Variants in EVPL observed in about 807,000 individuals in gnomAD.
EVPL encodes envoplakin.
EVPL carries 94 observed loss-of-function variants against 129.7 expected under a neutral mutation model. The ratio of observed to expected loss-of-function variants is 0.72; its 90% CI spans 0.61 to 0.86. The LOEUF is 0.86. Ranked by LOEUF, EVPL falls within the 40% of genes least tolerant of loss-of-function variation. EVPL has a pLI of 0.00. For missense variants in EVPL, 2,625 were observed against 2,721.1 expected (o/e 0.96, Z 0.79); for synonymous variants, 1,172 against 1,191.1 (o/e 0.98, Z 0.33).
chr17:76,006,950 G>T lies in EVPL; in HGVS notation c.*153C>A. On this transcript the variant is annotated 3_prime_UTR_variant, in exon 22 of 22. Transcript: ENST00000301607. ...GGATGGATCAGGCACCAAGGTTAGG[G>T]GAGGGAGCCCATCACCATGTTAGTA... The T allele has an allele frequency of 2.3e-6, 2 of 877,434 alleles. No individual in the cohort carries two copies. The highest frequency in any genetic ancestry group is 3.0e-6 in the Non-Finnish European group (2 of 656,884). 54.4% of individuals were successfully genotyped at this position (877,434 alleles called of 1,614,324 possible). A position where few individuals can be genotyped will look rare whatever the true frequency, so the allele number is the denominator to read the frequency against.
At chr17:76,026,340 G>T (rs1219642800) in intron 1 of EVPL, among the ~76,000 whole-genome samples, 2 of 151,566 alleles carry the variant, frequency 1.3e-5, no homozygotes, top group Non-Finnish European at 2.9e-5. Flanking sequence ...AAACTCCTGG[G>T]CTCAAGCAAT....
intron 9 of EVPL, among the ~76,000 whole-genome samples, chr17:76,020,065 A>C (rs141831988): frequency 3.3e-5 from 5 of 151,228 alleles, no homozygotes; most frequent in East Asian, 3.9e-4. Context: ...CTTAAACCAG[A>C]TAAACCTAAA....
At position 76,021,718 on chromosome 17, in the gene EVPL, C is replaced by A; in HGVS notation, c.871G>T (p.Glu291Ter). ...QSVNQLEDDG[E>*]RMVELRHPAV... ...GGGTGCCGCAGCTCCACCATGCGCT[C>A]GCCGTCGTCCTCCAGCTGGTTCACG... The change falls in exon 8 of 22, where the codon GAG becomes TAG. Residue 291 changes from glutamate to a stop codon, truncating the protein, a stop_gained. Coordinates refer to ENST00000301607, the MANE Select transcript of EVPL (RefSeq NM_001988.4). LOFTEE classifies it high-confidence loss of function. 1 of 1,610,512 alleles carries A rather than the reference C, an allele frequency of 6.2e-7. No individual in the cohort carries two copies. Among genetic ancestry groups the A allele is most frequent in the Non-Finnish European group, 8.5e-7 (1 of 1,179,492 alleles).
At chr17:76,011,461 G>C (rs1163418224) in intron 21 of EVPL, 115 bp downstream of exon 21, 1 of 930,108 alleles carries the variant, frequency 1.1e-6, no homozygotes, top group East Asian at 2.4e-5. Context: ...CTGCAGGCAG[G>C]AGGGAGAGGA....
chr17:76,011,577 T>C lies in EVPL; in HGVS notation c.2660A>G (p.Lys887Arg). 3 of 1,613,624 alleles carry C rather than the reference T, an allele frequency of 1.9e-6. No homozygotes were observed. The highest frequency in any genetic ancestry group is 2.5e-6 in the Non-Finnish European group (3 of 1,179,516). Residue 887 changes from lysine to arginine, a missense_variant and splice_region_variant, in exon 21 of 22, where the codon AAG becomes AGG. Lys to Arg is a conservative substitution (Grantham distance 26). Coordinates refer to ENST00000301607, the MANE Select transcript of EVPL (RefSeq NM_001988.4). ...QLEFARKMLE[K>R]KELSEDIRRT... ...AAGCTGTAGGTGTTGTCTGTGTACC[T>C]TCTCCAGCATTTTTCTAGCAAACTC...
rs768360748 is a variant in EVPL at position 76,007,751 on chromosome 17, G to A, written c.5454C>T (p.Leu1818=). The change falls in exon 22 of 22, where the codon CTC becomes CTT. Residue 1818 remains leucine (L), a synonymous_variant. Coordinates refer to ENST00000301607, the MANE Select transcript of EVPL (RefSeq NM_001988.4). This position sits in a 1 kb window ranked among gnomAD's most constrained non-coding sequence, Gnocchi z 8.8. ...STSFFSPSFS[L]GLGDDSFPIA... The stretch of plus-strand genomic sequence containing the variant: ...TAGGGAAGCTGTCATCACCGAGCCC[G>A]AGAGAGAAGCTGGGAGAGAAGAAAC... 1.7e-5 allele frequency: 27 copies of A among 1,612,914 alleles called. No individual in the cohort carries two copies. Among genetic ancestry groups the A allele is most frequent in the East Asian group, 4.5e-5 (2 of 44,860 alleles).
Position 76,008,398 on chromosome 17 carries a change from CCA to C in EVPL, c.4805_4806del (p.Leu1602ArgfsTer120), listed in dbSNP as rs1335550624. 1.3e-6 allele frequency: 2 copies of C among 1,594,908 alleles called. No homozygotes were observed. The highest frequency in any genetic ancestry group is 1.7e-6 in the Non-Finnish European group (2 of 1,176,500). On this transcript the variant is annotated frameshift_variant, in exon 22 of 22. Transcript: ENST00000301607. LOFTEE classifies it low-confidence loss of function (END_TRUNC). This position sits in a 1 kb window ranked among gnomAD's most constrained non-coding sequence, Gnocchi z 7.4. ...AGTGTCTGCTGCTGCTTCTGCCTCT[CCA>C]GAGCCCGCAGCTCCTGCTGCAGCCG... ...CGRLQQELRALERQKQQQTLQ... is the reference protein window; with the variant it reads ...CGRLQQELRAXERQKQQQTLQ...
Position 76,013,373 on chromosome 17 carries a change from G to T in EVPL, c.2373+1053C>A, listed in dbSNP as rs1465930884. The stretch of plus-strand genomic sequence containing the variant: ...CCCAGACCCATCTTTGCTCTCACGA[G>T]CTCCTAGGGGAACCCCCAGCCCCAG... On this transcript the variant is annotated intron_variant, in intron 18 of 21. Transcript: ENST00000301607. This position sits in a 1 kb window ranked among gnomAD's most constrained non-coding sequence, Gnocchi z 4.3. Among the ~76,000 whole-genome samples, 1 of 152,072 alleles carries T rather than the reference G, an allele frequency of 6.6e-6. No homozygotes were observed. The highest frequency in any genetic ancestry group is 1.5e-5 in the Non-Finnish European group (1 of 68,008).
rs1215721582 is a variant in EVPL, at chr17:76,007,530, G to T, written c.5675C>A (p.Ser1892Tyr). The T allele has an allele frequency of 6.2e-7, 1 of 1,613,894 alleles. No homozygotes were observed. Among genetic ancestry groups the T allele is most frequent in the Non-Finnish European group, 8.5e-7 (1 of 1,180,044 alleles). ...CTGGGCGTTAAGCAGCCTCTGTGTGGAGGTGTTCTCGATCAGGCCCCTCTC... is the reference window on the plus strand; with the variant it reads ...CTGGGCGTTAAGCAGCCTCTGTGTGTAGGTGTTCTCGATCAGGCCCCTCTC... ...AMERGLIENTSTQRLLNAQKA... is the reference protein window; with the variant it reads ...AMERGLIENTYTQRLLNAQKA... Residue 1892 changes from serine (S) to tyrosine (Y), a missense_variant, in exon 22 of 22, where the codon TCC (serine) becomes TAC (tyrosine). Coordinates refer to ENST00000301607, the MANE Select transcript of EVPL (RefSeq NM_001988.4). This position sits in a 1 kb window ranked among gnomAD's most constrained non-coding sequence, Gnocchi z 8.8.
intron 13 of EVPL, 98 bp from the exon 14 acceptor site, chr17:76,018,009 G>A: frequency 1.3e-6 from 2 of 1,566,256 alleles, no homozygotes; most frequent in Non-Finnish European, 1.7e-6. Context: ...TCGGGGTAGG[G>A]TGGAGGGGAT....
chr17:76,022,020 C>T lies in EVPL; in HGVS notation c.654G>A (p.Ala218=), dbSNP rs1299511121. The change falls in exon 7 of 22, where the codon GCG becomes GCA. Residue 218 remains alanine (A), a synonymous_variant. Transcript: ENST00000301607. The surrounding 1 kb of genome is among the most constrained non-coding windows in gnomAD (Gnocchi z 5.6). ...TGCCCAGGCTCTGCCCGCGCCACGA[C>T]GCCGCCTTCTGTGCTCAGGACCCGC... ...RSQYRDLLKA[A]SWRGQSLGSL... is the part of the protein sequence containing the mutation. The T allele has an allele frequency of 2.6e-6, 4 of 1,554,770 alleles. No individual in the cohort carries two copies. Among genetic ancestry groups the T allele is most frequent in the Non-Finnish European group, 3.5e-6 (4 of 1,157,670 alleles).
Position 76,009,853 on chromosome 17 carries a change from C to A in EVPL, c.3352G>T (p.Ala1118Ser), listed in dbSNP as rs1432011312. The A allele has an allele frequency of 6.2e-7, 1 of 1,614,094 alleles. No homozygotes were observed. The highest frequency in any genetic ancestry group is 1.1e-5 in the South Asian group (1 of 91,082). ...GCCCGCTCCAGGTCTTCGATGCGAG[C>A]CTGTAGCTTGGCCACAGCCTCCTCC... ...QAEEAVAKLQ[A>S]RIEDLERAIS... Residue 1118 changes from alanine to serine, a missense_variant, in exon 22 of 22, where the codon GCT becomes TCT. Around this residue, in one of 4 missense-constraint regions of EVPL, gnomAD observed 1,453 missense variants for 1,511.8 expected, o/e 0.96. Coordinates refer to ENST00000301607, the MANE Select transcript of EVPL (RefSeq NM_001988.4). The surrounding 1 kb of genome is among the most constrained non-coding windows in gnomAD (Gnocchi z 5.9).
In EVPL at chr17:76,017,689, A is replaced by C. The variant is rs913119294; in HGVS notation, c.1710+50T>G. The C allele has an allele frequency of 1.5e-5, 23 of 1,583,668 alleles. No homozygotes were observed. In the East Asian group the frequency reaches 5.2e-4, roughly 35 times the overall value. On this transcript the variant is annotated intron_variant, in intron 14 of 21. Transcript: ENST00000301607. ...CTCACCTCCCTCAAGTGTGAGCACC[A>C]GGGCCGGGCCGCTTCTCATCCCAGC...
chr17:76,011,837 T>C lies in EVPL; in HGVS notation c.2503A>G (p.Thr835Ala). The C allele has an allele frequency of 6.2e-7, 1 of 1,612,984 alleles. No homozygotes were observed. Among genetic ancestry groups the C allele is most frequent in the Non-Finnish European group, 8.5e-7 (1 of 1,179,698 alleles). The change falls in exon 20 of 22, where the codon ACC (threonine) becomes GCC (alanine). Residue 835 changes from threonine (T) to alanine (A), a missense_variant. Coordinates refer to ENST00000301607, the MANE Select transcript of EVPL (RefSeq NM_001988.4). Reference protein sequence around the residue: ...ADTYRCSLEPTLAVSAPKRPR... With the variant: ...ADTYRCSLEPALAVSAPKRPR... ...CTCTTGGGGGCTGACACTGCCAGGGTGGGCTCCAAAGAGCAGCGGTAGGTG... is the reference window on the plus strand; with the variant it reads ...CTCTTGGGGGCTGACACTGCCAGGGCGGGCTCCAAAGAGCAGCGGTAGGTG...
chr17:76,011,698 C>A, intron 20 of EVPL, 30 bp from the exon 21 acceptor site: 1 of 1,612,618 alleles, frequency 6.2e-7, no homozygotes, highest in Non-Finnish European at 8.5e-7. Flanking sequence ...AGGGGAAGGG[C>A]AGAGTCAGCT....
chr17:76,026,076 T>C, intron 1 of EVPL, among the ~76,000 whole-genome samples: 1 of 151,928 alleles, frequency 6.6e-6, no homozygotes, highest in South Asian at 2.1e-4. Context: ...CAAGTAGCTC[T>C]GACTACAGGC....
Position 76,023,494 on chromosome 17 carries a change from A to T in EVPL, c.353+6T>A. 6.2e-7 allele frequency: 1 copy of T among 1,612,440 alleles called. No homozygotes were observed. Among genetic ancestry groups the T allele is most frequent in the Non-Finnish European group, 8.5e-7 (1 of 1,179,296 alleles). On this transcript the variant is annotated splice_donor_region_variant and intron_variant, in intron 3 of 21. Coordinates refer to ENST00000301607, the MANE Select transcript of EVPL (RefSeq NM_001988.4). ...GGACCCCCAGCCCTGCCGCAGCTCC[A>T]CTCACTCCTTCTCAATCTCCTCAGC...
Position 76,010,355 on chromosome 17 carries a change from G to C in EVPL, c.2850C>G (p.Pro950=). 8 of 1,613,936 alleles carry C rather than the reference G, an allele frequency of 5.0e-6. No individual in the cohort carries two copies. The highest frequency in any genetic ancestry group is 6.8e-6 in the Non-Finnish European group (8 of 1,180,014). The change falls in exon 22 of 22, where the codon CCC becomes CCG. Residue 950 remains proline (P), a synonymous_variant. Transcript: ENST00000301607. ...SQLLQLRTQR[P]LERLEEKEVV... Reference sequence around the variant, plus strand: ...CTTCCTTCTCCTCCAGCCTCTCCAAGGGCCGCTGGGTCCTCAGCTGCAGCA... The same window carrying C: ...CTTCCTTCTCCTCCAGCCTCTCCAACGGCCGCTGGGTCCTCAGCTGCAGCA...
At chr17:76,014,024 C>T (rs1341167349) in intron 18 of EVPL, among the ~76,000 whole-genome samples, 5 of 152,166 alleles carry the variant, frequency 3.3e-5, no homozygotes, top group African/African-American at 9.7e-5. Flanking sequence ...GATCCTGACC[C>T]GCAAGTGTGT....
Sources: gnomAD v4.1 joint callset for allele counts (sites outside exome capture counted in the v4.1 genomes callset) on GRCh38, gnomAD v4.1.1 for gene constraint, gnomAD v4.1.1 regional missense constraint, Gnocchi (gnomAD v3.1) non-coding constraint, MANE v1.5 for transcripts, NCBI Gene and HGNC (gene_info 2026-07-23, HGNC 2026-07-21) for gene names.